Variants in HRK observed in about 807,000 individuals in gnomAD.
The protein encoded by HRK is harakiri, BCL2 interacting protein.
A neutral mutation model predicts 5.9 loss-of-function variants in HRK; 6 were observed. That is an observed-to-expected ratio of 1.02 (90% CI 0.56 to 2.01). The LOEUF (loss-of-function observed/expected upper bound fraction) is 2.01. HRK is among the 30% of genes most tolerant of loss of function. The probability of loss-of-function intolerance (pLI) is 0.00; values close to 1 mark genes in which losing one functional copy is unlikely to be tolerated. For missense variants in HRK, 133 were observed against 128.3 expected (o/e 1.04, Z -0.18); for synonymous variants, 85 against 65.1 (o/e 1.31, Z -1.47).
chr12:116,881,359 C>T lies in HRK; in HGVS notation c.-52G>A. The T allele has an allele frequency of 9.5e-7, 1 of 1,050,552 alleles. No individual in the cohort carries two copies. Among genetic ancestry groups the T allele is most frequent in the Non-Finnish European group, 1.1e-6 (1 of 873,746 alleles). 65.1% of individuals were successfully genotyped at this position (1,050,552 alleles called of 1,614,324 possible). On this transcript the variant is annotated 5_prime_UTR_variant, in exon 1 of 2. Transcript: ENST00000257572. ...GCTCGGGCCGCCCCTCGCCTCCTCT[C>T]CCTCCGGCCTCTGCGCCCGCTGCCG...
rs150311354 is a variant in HRK at position 116,870,420 on chromosome 12, G to C, written c.*57-8954C>G. 2.5e-3 allele frequency among the ~76,000 whole-genome samples: 376 copies of C among 152,286 alleles called. 3 individuals are homozygous for C. The highest frequency in any genetic ancestry group is 8.8e-3 in the African/African-American group (365 of 41,550). ...CATCCACACTCCCACACTGGCTAGA[G>C]GTGTGGTCCATGAAGACCAGTCCAC... On this transcript the variant is annotated intron_variant, in intron 1 of 1. Coordinates refer to ENST00000257572, the MANE Select transcript of HRK (RefSeq NM_003806.4).
intron 1 of HRK, among the ~76,000 whole-genome samples, chr12:116,870,709 A>G (rs1878714357): frequency 6.6e-6 from 1 of 152,156 alleles, no homozygotes. Flanking sequence ...AGGCAAAGGT[A>G]GGAGAATCAC....
Position 116,861,358 on chromosome 12 carries a change from T to C in HRK, c.*165A>G, listed in dbSNP as rs1422125663. 6.6e-6 allele frequency: 1 copy of C among 152,184 alleles called. No homozygotes were observed. The highest frequency in any genetic ancestry group is 6.5e-5 in the Admixed American group (1 of 15,286). The allele number at this position is 152,184 out of a possible 1,614,324, so 9.4% of individuals were successfully genotyped here. ...TCTACGATCGCTCCAGGCGCTGTCT[T>C]TACTCTCCACTTCCTTCTCGAAGTG... On this transcript the variant is annotated 3_prime_UTR_variant, in exon 2 of 2. Coordinates refer to ENST00000257572, the MANE Select transcript of HRK (RefSeq NM_003806.4).
chr12:116,871,539 A>G (rs1878747959), intron 1 of HRK, among the ~76,000 whole-genome samples: 1 of 150,088 alleles, frequency 6.7e-6, no homozygotes, highest in Admixed American at 6.6e-5. Context: ...CCTGACCTCA[A>G]ATGATCCACC....
rs1878405271 is a variant in HRK at position 116,862,632 on chromosome 12, G to A, written c.*57-1166C>T. ...TTCAGGGAAACGAAAATTTTCCAAA[G>A]TTGACTGTGAAGATGGCTGCAAAAT... is the stretch of plus-strand genomic sequence containing the variant. On this transcript the variant is annotated intron_variant, in intron 1 of 1. Transcript: ENST00000257572. The surrounding 1 kb of genome is among the most constrained non-coding windows in gnomAD (Gnocchi z 4.0). Among the ~76,000 whole-genome samples, 1 of 152,212 alleles carries A rather than the reference G, an allele frequency of 6.6e-6. No homozygotes were observed. Among genetic ancestry groups the A allele is most frequent in the Non-Finnish European group, 1.5e-5 (1 of 68,040 alleles).
At chr12:116,865,201 A>T (rs903571275) in intron 1 of HRK, among the ~76,000 whole-genome samples, 5 of 152,146 alleles carry the variant, frequency 3.3e-5, no homozygotes, top group Admixed American at 6.6e-5. Context: ...GTCAGCAAAG[A>T]ATTAGGACTC....
chr12:116,870,081 AACACACACAC>A (rs113070500), intron 1 of HRK, among the ~76,000 whole-genome samples: 2 of 150,848 alleles, frequency 1.3e-5, no homozygotes, highest in Non-Finnish European at 3.0e-5. Context: ...CTCCATCTAA[AACACACACAC>A]ACACACACAA....
At chr12:116,872,207 A>T (rs532187713) in intron 1 of HRK, among the ~76,000 whole-genome samples, 54 of 152,280 alleles carry the variant, frequency 3.5e-4, no homozygotes, top group African/African-American at 1.3e-3. Context: ...TGTCTCTACT[A>T]AAAATACAAA....
rs1879010162 is a variant in HRK at position 116,878,293 on chromosome 12, A to G, written c.*56+2683T>C. Among the ~76,000 whole-genome samples the G allele has an allele frequency of 6.6e-6, 1 of 152,172 alleles. No individual in the cohort carries two copies. The highest frequency in any genetic ancestry group is 2.4e-5 in the African/African-American group (1 of 41,444). ...ATGGGAATTGAAAGTGGTAGTTCCC[A>G]CCCTATATGGCTGGCACAGGCCTCC... is the stretch of plus-strand genomic sequence containing the variant. On this transcript the variant is annotated intron_variant, in intron 1 of 1. Coordinates refer to ENST00000257572, the MANE Select transcript of HRK (RefSeq NM_003806.4). The surrounding 1 kb of genome is among the most constrained non-coding windows in gnomAD (Gnocchi z 4.4).
intron 1 of HRK, among the ~76,000 whole-genome samples, chr12:116,870,096 A>C (rs1216579648): frequency 6.6e-6 from 1 of 152,018 alleles, no homozygotes; most frequent in Non-Finnish European, 1.5e-5. Flanking sequence ...ACACACACAC[A>C]CACAAAACAG....
At chr12:116,864,636 C>T (rs1878474360) in intron 1 of HRK, among the ~76,000 whole-genome samples, 1 of 152,012 alleles carries the variant, frequency 6.6e-6, no homozygotes, top group African/African-American at 2.4e-5. Flanking sequence ...AACAGGGAAG[C>T]GTGATGAGCA....
chr12:116,879,916 A>G lies in HRK; in HGVS notation c.*56+1060T>C, dbSNP rs1354111095. On this transcript the variant is annotated intron_variant, in intron 1 of 1. Transcript: ENST00000257572. The surrounding 1 kb of genome is among the most constrained non-coding windows in gnomAD (Gnocchi z 5.6). ...TCACCTTCCGGCCCTAGACCCATCT[A>G]TGGTGGGCTCAGCCTGATTCTCTCT... Among the ~76,000 whole-genome samples the G allele has an allele frequency of 6.6e-6, 1 of 152,118 alleles. No individual in the cohort carries two copies. The highest frequency in any genetic ancestry group is 2.4e-5 in the African/African-American group (1 of 41,426).
rs55713149 is a variant in HRK at position 116,858,574 on chromosome 12, T to TCACACACACACA, written c.*2937_*2948dup. On this transcript the variant is annotated 3_prime_UTR_variant, in exon 2 of 2. Coordinates refer to ENST00000257572, the MANE Select transcript of HRK (RefSeq NM_003806.4). ...CAGAGGCCTCCCTCTGCTTGTACGG[T>TCACACACACACA]CACACACACACACACACACACACAC... The TCACACACACACA allele has an allele frequency of 7.4e-5, 9 of 121,150 alleles. No individual in the cohort carries two copies. Among genetic ancestry groups the TCACACACACACA allele is most frequent in the African/African-American group, 2.4e-4 (8 of 33,428 alleles). 7.5% of individuals were successfully genotyped at this position (121,150 alleles called of 1,614,324 possible).
rs549945223 is a variant in HRK, at chr12:116,864,984, T to C, written c.*57-3518A>G. ...CTCGTGGCTGAAGTGATTCATGAAA[T>C]ACCTTTGAAAAAATGTCCCTGTTTC... is the stretch of plus-strand genomic sequence containing the variant. On this transcript the variant is annotated intron_variant, in intron 1 of 1. Transcript: ENST00000257572. Among the ~76,000 whole-genome samples the C allele has an allele frequency of 2.6e-5, 4 of 152,226 alleles. No homozygotes were observed. In the East Asian group the frequency reaches 7.7e-4, roughly 29 times the overall value.
intron 1 of HRK, among the ~76,000 whole-genome samples, chr12:116,869,929 A>G (rs1447413215): frequency 6.6e-6 from 1 of 152,050 alleles, no homozygotes; most frequent in Non-Finnish European, 1.5e-5. Context: ...AAAATACAAA[A>G]ATTAGCTGGG....
rs1879147346 is a variant in HRK, at chr12:116,881,280, G to A, written c.28C>T (p.Arg10Cys). ...CAGGCGCACACGGCCGGGGGGCCGC[G>A]GCCGCGGTGCAGGGGGCACGGGCAC... MCPCPLHRG[R>C]GPPAVCACSA... The change falls in exon 1 of 2, where the codon CGC becomes TGC. Residue 10 changes from arginine (R) to cysteine (C), a missense_variant. Arg to Cys is a radical substitution (Grantham distance 180). Transcript: ENST00000257572. 1.9e-6 allele frequency: 2 copies of A among 1,074,790 alleles called. No individual in the cohort carries two copies. Among genetic ancestry groups the A allele is most frequent in the South Asian group, 4.4e-5 (1 of 22,948 alleles). The allele number at this position is 1,074,790 out of a possible 1,614,324, so 66.6% of individuals were successfully genotyped here.
Position 116,861,656 on chromosome 12 carries a change from C to A in HRK, c.*57-190G>T, listed in dbSNP as rs1055780767. ...GCTAGTCTTGGCACTCTTCCCCTTA[C>A]CAGAATCTCTGTCTATGTAGCAGCC... is the stretch of plus-strand genomic sequence containing the variant. On this transcript the variant is annotated intron_variant, in intron 1 of 1. Coordinates refer to ENST00000257572, the MANE Select transcript of HRK (RefSeq NM_003806.4). Among the ~76,000 whole-genome samples, 3 of 152,170 alleles carry A rather than the reference C, an allele frequency of 2.0e-5. 1 individual carries two copies. In the South Asian group the frequency reaches 6.2e-4, roughly 32 times the overall value.
chr12:116,875,653 C>T (rs1878899722), intron 1 of HRK, among the ~76,000 whole-genome samples: 1 of 152,146 alleles, frequency 6.6e-6, no homozygotes, highest in Non-Finnish European at 1.5e-5. Context: ...ATGCAATTCT[C>T]CTGCCTCAGC....
rs4767465 is a variant in HRK, at chr12:116,862,967, T to A, written c.*57-1501A>T. 0.95 allele frequency among the ~76,000 whole-genome samples: 144,009 copies of A among 152,130 alleles called. 68,234 individuals are homozygous for A. Among genetic ancestry groups the A allele is most frequent in the African/African-American group, 0.98 (40,876 of 41,514 alleles). On this transcript the variant is annotated intron_variant, in intron 1 of 1. Transcript: ENST00000257572. The surrounding 1 kb of genome is among the most constrained non-coding windows in gnomAD (Gnocchi z 4.0). ...TGGCCAGACTGGTCTTGAACTCCTA[T>A]CTTCAAGTGATCCACCCACCTCAGC...
Sources: gnomAD v4.1 joint callset for allele counts (sites outside exome capture counted in the v4.1 genomes callset) on GRCh38, gnomAD v4.1.1 for gene constraint, Gnocchi (gnomAD v3.1) non-coding constraint, MANE v1.5 for transcripts, NCBI Gene and HGNC (gene_info 2026-07-23, HGNC 2026-07-21) for gene names.